Variants in MINDY2 observed in about 807,000 individuals in gnomAD.
MINDY2 encodes ubiquitin carboxyl-terminal hydrolase MINDY-2.
MINDY2 carries 52 observed loss-of-function variants against 68.2 expected under a neutral mutation model. The ratio of observed to expected loss-of-function variants is 0.76; its 90% CI spans 0.61 to 0.96. The LOEUF (loss-of-function observed/expected upper bound fraction) is 0.96. MINDY2 is among the 40% of genes least tolerant of loss of function. The probability of loss-of-function intolerance (pLI) is 0.00; values close to 1 mark genes in which losing one functional copy is unlikely to be tolerated. For synonymous variants in MINDY2, 372 were observed against 303.0 expected (o/e 1.23, Z -2.36); for missense variants, 881 against 773.4 (o/e 1.14, Z -1.65).
chr15:58,822,891 C>T (rs1010954602), intron 5 of MINDY2, among the ~76,000 whole-genome samples: 1 of 152,056 alleles, frequency 6.6e-6, no homozygotes, highest in Non-Finnish European at 1.5e-5. Context: ...CTCTCAGACA[C>T]ACAATTATTT....
At chr15:58,816,867 C>T (rs115620640) in intron 4 of MINDY2, among the ~76,000 whole-genome samples, 1 of 152,054 alleles carries the variant, frequency 6.6e-6, no homozygotes, top group Non-Finnish European at 1.5e-5. Flanking sequence ...GTAGGAGAAT[C>T]ACTTAAGGCC....
At chr15:58,790,968 A>G (rs1167013224) in intron 2 of MINDY2, among the ~76,000 whole-genome samples, 1 of 151,910 alleles carries the variant, frequency 6.6e-6, no homozygotes, top group Non-Finnish European at 1.5e-5. Context: ...TCATGAGGTC[A>G]GGAGATCGAG....
intron 3 of MINDY2, among the ~76,000 whole-genome samples, chr15:58,803,971 A>G (rs2414610): frequency 7.7e-6 from 1 of 130,190 alleles, no homozygotes; most frequent in Admixed American, 7.9e-5. Flanking sequence ...AAAAAAAAAT[A>G]CAAAAAATTA....
At chr15:58,787,657 A>C (rs1056855236) in intron 1 of MINDY2, among the ~76,000 whole-genome samples, 1 of 151,416 alleles carries the variant, frequency 6.6e-6, no homozygotes, top group Non-Finnish European at 1.5e-5. Context: ...GAATGGCCTG[A>C]ACCGGAGAGG....
rs532814760 is a variant in MINDY2, at chr15:58,789,278, C to T, written c.898+1315C>T. 8.5e-5 allele frequency among the ~76,000 whole-genome samples: 13 copies of T among 152,158 alleles called. No homozygotes were observed. The East Asian group carries it at 2.5e-3, about 30-fold the overall frequency. On this transcript the variant is annotated intron_variant, in intron 2 of 8. Coordinates refer to ENST00000559228, the MANE Select transcript of MINDY2 (RefSeq NM_001040450.3). ...GTGTGAACCCAGGAGGCATAGCTTG[C>T]AGTGAGCCGAGATTGCACCACTGCA...
intron 6 of MINDY2, among the ~76,000 whole-genome samples, chr15:58,845,141 C>A (rs2032471142): frequency 6.6e-6 from 1 of 151,934 alleles, no homozygotes; most frequent in Non-Finnish European, 1.5e-5. Flanking sequence ...TGTGGTGGCT[C>A]ACACCTGTAA....
At position 58,771,818 on chromosome 15, in the gene MINDY2, A is replaced by C. The variant is rs778074754; in HGVS notation, c.423A>C (p.Ala141=). ...ARPDLAGTCQ[A]ELTAAGSEEP... ...CGGATCTCGCCGGCACCTGCCAAGC[A>C]GAACTGACCGCCGCCGGCTCCGAAG... Residue 141 remains alanine (A), a synonymous_variant, in exon 1 of 9, where the codon GCA becomes GCC. Coordinates refer to ENST00000559228, the MANE Select transcript of MINDY2 (RefSeq NM_001040450.3). 1 of 1,609,364 alleles carries C rather than the reference A, an allele frequency of 6.2e-7. No homozygotes were observed. The highest frequency in any genetic ancestry group is 8.5e-7 in the Non-Finnish European group (1 of 1,178,340).
chr15:58,852,112 C>T (rs1339089332), intron 8 of MINDY2, 147 bp downstream of exon 8: 2 of 519,334 alleles, frequency 3.9e-6, no homozygotes, highest in East Asian at 3.5e-5. Flanking sequence ...CATGGCAAAA[C>T]CCTATCTCTA....
intron 3 of MINDY2, among the ~76,000 whole-genome samples, chr15:58,804,622 A>G (rs1241629710): frequency 3.3e-5 from 5 of 152,106 alleles, no homozygotes; most frequent in African/African-American, 1.2e-4. Flanking sequence ...CCTGGGCAAC[A>G]TGGCAAAACC....
At chr15:58,840,986 A>AT (rs1269878448) in intron 6 of MINDY2, among the ~76,000 whole-genome samples, 1 of 118,052 alleles carries the variant, frequency 8.5e-6, no homozygotes, top group African/African-American at 3.4e-5. Context: ...TTTTTTTTTA[A>AT]TTTTTTTTGG....
chr15:58,849,090 A>G (rs2032684892), intron 7 of MINDY2, among the ~76,000 whole-genome samples: 1 of 151,832 alleles, frequency 6.6e-6, no homozygotes, highest in Non-Finnish European at 1.5e-5. Flanking sequence ...CGCACCTGTA[A>G]CCCCAACTAC....
intron 1 of MINDY2, among the ~76,000 whole-genome samples, chr15:58,773,787 C>T (rs369661661): frequency 2.6e-5 from 4 of 151,376 alleles, no homozygotes; most frequent in South Asian, 2.1e-4. Flanking sequence ...AAATGGAATT[C>T]CCAGGGGAGA....
At chr15:58,852,922 G>GTTTTTTTTTTTTTT (rs746154698) in intron 8 of MINDY2, among the ~76,000 whole-genome samples, 1 of 48,968 alleles carries the variant, frequency 2.0e-5, no homozygotes, top group African/African-American at 7.5e-5. Context: ...TGCTGTTCCT[G>GTTTTTTTTTTTTTT]TTTTTTTTTT....
At position 58,847,468 on chromosome 15, in the gene MINDY2, C is replaced by T; in HGVS notation, c.1540C>T (p.Gln514Ter). ...CAAAGGACAACAAGATCAGATAGAT[C>T]AGGTAAATTTGTATTGTCGTCTTTA... ...VYKGQQDQID[Q>*]DYLMALSLQQ... The change falls in exon 7 of 9, where the codon CAG becomes TAG. Residue 514 changes from glutamine (Q) to a stop codon, truncating the protein, a stop_gained and splice_region_variant. Transcript: ENST00000559228. LOFTEE classifies it high-confidence loss of function. The T allele has an allele frequency of 6.5e-7, 1 of 1,532,886 alleles. No individual in the cohort carries two copies. Among genetic ancestry groups the T allele is most frequent in the Non-Finnish European group, 8.9e-7 (1 of 1,124,122 alleles). The allele number at this position is 1,532,886 out of a possible 1,614,324, so 95.0% of individuals were successfully genotyped here.
intron 6 of MINDY2, among the ~76,000 whole-genome samples, chr15:58,836,673 C>T (rs540547307): frequency 3.3e-5 from 5 of 152,140 alleles, no homozygotes; most frequent in South Asian, 4.1e-4. Context: ...GGCTTGAGTG[C>T]GCTGCTGCAA....
chr15:58,772,223 C>T lies in MINDY2; in HGVS notation c.828C>T (p.Leu276=), dbSNP rs200544208. The T allele has an allele frequency of 5.6e-6, 9 of 1,611,346 alleles. No individual in the cohort carries two copies. In the East Asian group the frequency reaches 1.1e-4, roughly 20 times the overall value. The change falls in exon 1 of 9, where the codon CTC becomes CTT. Residue 276 remains leucine (L), a synonymous_variant. Transcript: ENST00000559228. ...TGCTGGCCATCCTCAATGTTTTGCT[C>T]CTGGCCTGGAAGGTACATTCTGCAG... ...CPLLAILNVL[L]LAWKVKLPPM... is the part of the protein sequence containing the mutation.
At chr15:58,817,462 A>G (rs149783080) in intron 4 of MINDY2, among the ~76,000 whole-genome samples, 82 of 152,320 alleles carry the variant, frequency 5.4e-4, no homozygotes, top group Middle Eastern at 3.4e-3. Flanking sequence ...GCAGTGGCTC[A>G]CACCTGTAAT....
chr15:58,805,939 G>T (rs112537713), intron 3 of MINDY2, among the ~76,000 whole-genome samples: 5,135 of 152,240 alleles, frequency 0.034, 94 homozygotes, highest in African/African-American at 0.05. Flanking sequence ...GCTGGGCGTG[G>T]TGGCACGTAC....
At chr15:58,851,685 C>G in intron 7 of MINDY2, 86 bp from the exon 8 acceptor site, 3 of 1,037,166 alleles carry the variant, frequency 2.9e-6, no homozygotes, top group Non-Finnish European at 4.1e-6. Flanking sequence ...ATTCTTACAG[C>G]TTTATAGATA....
Sources: gnomAD v4.1 joint callset for allele counts (sites outside exome capture counted in the v4.1 genomes callset) on GRCh38, gnomAD v4.1.1 for gene constraint, MANE v1.5 for transcripts, NCBI Gene and HGNC (gene_info 2026-07-23, HGNC 2026-07-21) for gene names.